GALNT17: variants seen among roughly 807,000 people sequenced by gnomAD.
The protein encoded by GALNT17 is polypeptide N-acetylgalactosaminyltransferase 17.
Under a neutral mutation model 63.7 loss-of-function variants are expected in GALNT17, and 29 were observed. That is an observed-to-expected ratio of 0.46 (90% confidence interval 0.34 to 0.62). GALNT17 has a LOEUF of 0.62. Among genes scored for constraint, GALNT17 ranks in the 20% least tolerant of loss-of-function variants. The probability of loss-of-function intolerance (pLI) is 0.01; values close to 1 mark genes in which losing one functional copy is unlikely to be tolerated. For missense variants in GALNT17, 603 were observed against 799.6 expected, an observed-to-expected ratio of 0.75 and a Z score of 2.97; for synonymous variants, 305 against 318.3, an observed-to-expected ratio of 0.96 and a Z score of 0.45.
intron 1 of GALNT17, among the ~76,000 whole-genome samples, chr7:71,331,793 C>T (rs1791812740): frequency 6.6e-6 from 1 of 152,060 alleles, no homozygotes; most frequent in Admixed American, 6.6e-5. Flanking sequence ...TAATACCTTC[C>T]CCCTGAGCTT....
intron 6 of GALNT17, among the ~76,000 whole-genome samples, chr7:71,662,573 C>T (rs1386160620): frequency 1.3e-5 from 2 of 152,108 alleles, no homozygotes; most frequent in South Asian, 2.1e-4. Context: ...CCCACCACCT[C>T]CCAAGCAACC....
intron 5 of GALNT17, among the ~76,000 whole-genome samples, chr7:71,444,799 C>T (rs1787130855): frequency 6.6e-6 from 1 of 152,154 alleles, no homozygotes; most frequent in Non-Finnish European, 1.5e-5. Flanking sequence ...TGCACTCTAG[C>T]CTGGGCCAGC....
chr7:71,234,853 C>G (rs182008134), intron 1 of GALNT17, among the ~76,000 whole-genome samples: 3 of 152,270 alleles, frequency 2.0e-5, no homozygotes, highest in African/African-American at 7.2e-5. Flanking sequence ...GCCTGGGTGT[C>G]TAAGTGCCTT....
At chr7:71,527,750 C>A (rs568391705) in intron 5 of GALNT17, among the ~76,000 whole-genome samples, 1 of 152,166 alleles carries the variant, frequency 6.6e-6, no homozygotes, top group Non-Finnish European at 1.5e-5. Flanking sequence ...AACACTGGCA[C>A]GTGTGTGTAT....
At chr7:71,144,099 A>G (rs1187683455) in intron 1 of GALNT17, among the ~76,000 whole-genome samples, 1 of 151,948 alleles carries the variant, frequency 6.6e-6, no homozygotes. Flanking sequence ...AGCTTTGGGG[A>G]TCTCTGACCT....
intron 4 of GALNT17, among the ~76,000 whole-genome samples, 184 bp from the exon 5 acceptor site, chr7:71,420,724 A>G (rs1003640373): frequency 3.3e-5 from 5 of 152,220 alleles, no homozygotes; most frequent in Non-Finnish European, 7.3e-5. Context: ...CACGCTTCAC[A>G]GCCCAGGAGT....
intron 1 of GALNT17, among the ~76,000 whole-genome samples, chr7:71,181,057 C>T (rs1332028291): frequency 6.6e-6 from 1 of 152,006 alleles, no homozygotes; most frequent in Non-Finnish European, 1.5e-5. Context: ...GAGTTCGAGA[C>T]CAGCCTGGCC....
At chr7:71,656,592 T>C (rs1027994008) in intron 6 of GALNT17, among the ~76,000 whole-genome samples, 1 of 151,488 alleles carries the variant, frequency 6.6e-6, no homozygotes, top group Non-Finnish European at 1.5e-5. Flanking sequence ...CTGAATGGAG[T>C]TGGATTCGGA....
Position 71,710,903 on chromosome 7 carries a change from T to C in GALNT17, c.1643T>C (p.Leu548Pro), listed in dbSNP as rs1402529710. 6.2e-7 allele frequency: 1 copy of C among 1,613,916 alleles called. No individual in the cohort carries two copies. The stretch of plus-strand genomic sequence containing the variant: ...GACTGCGACAAGGTCAAGAGCAGCC[T>C]GTACAAGCGCTGGAACTTCATCCAG... ...LLDCDKVKSS[L>P]YKRWNFIQNG... is the part of the protein sequence containing the mutation. Residue 548 changes from leucine (L) to proline (P), a missense_variant, in exon 10 of 11, where the codon CTG becomes CCG. Leu to Pro is a moderately conservative substitution (Grantham distance 98). Coordinates refer to ENST00000333538, the MANE Select transcript of GALNT17 (RefSeq NM_022479.3).
intron 5 of GALNT17, among the ~76,000 whole-genome samples, chr7:71,512,965 A>G (rs1408928638): frequency 6.6e-6 from 1 of 152,192 alleles, no homozygotes; most frequent in African/African-American, 2.4e-5. Context: ...GCAAATGGAA[A>G]CTGAAACACT....
chr7:71,407,194 C>G (rs1193219305), intron 3 of GALNT17, among the ~76,000 whole-genome samples: 1 of 152,134 alleles, frequency 6.6e-6, no homozygotes, highest in Non-Finnish European at 1.5e-5. Flanking sequence ...CAAGTCCCAT[C>G]AGGATGAGGA....
intron 6 of GALNT17, among the ~76,000 whole-genome samples, chr7:71,637,922 G>A (rs1272663051): frequency 1.3e-5 from 2 of 152,306 alleles, no homozygotes; most frequent in South Asian, 4.1e-4. Flanking sequence ...AAAGTAAAGG[G>A]TTAAAAGGAT....
At chr7:71,384,533 A>AG (rs2116329641) in intron 2 of GALNT17, among the ~76,000 whole-genome samples, 1 of 152,200 alleles carries the variant, frequency 6.6e-6, no homozygotes, top group East Asian at 1.9e-4. Flanking sequence ...TGAGAGTTTG[A>AG]GGGTAGTATG....
intron 9 of GALNT17, among the ~76,000 whole-genome samples, chr7:71,688,443 A>C (rs368444304): frequency 1.6e-4 from 24 of 151,992 alleles, no homozygotes; most frequent in African/African-American, 4.8e-4. Context: ...CTGCTTGCTG[A>C]GATTTTCCCC....
chr7:71,212,681 C>T (rs1347077649), intron 1 of GALNT17, among the ~76,000 whole-genome samples: 2 of 152,172 alleles, frequency 1.3e-5, no homozygotes, highest in African/African-American at 4.8e-5. Flanking sequence ...GGGAACCCAC[C>T]TCTTGGCATC....
At chr7:71,321,642 C>T in intron 1 of GALNT17, among the ~76,000 whole-genome samples, 1 of 125,634 alleles carries the variant, frequency 8.0e-6, no homozygotes, top group African/African-American at 2.9e-5. Flanking sequence ...GAGTCTTGCT[C>T]TGTCACGCAG....
chr7:71,155,304 C>G (rs2116229689), intron 1 of GALNT17, among the ~76,000 whole-genome samples: 1 of 151,838 alleles, frequency 6.6e-6, no homozygotes, highest in Non-Finnish European at 1.5e-5. Flanking sequence ...GACAGGGTCT[C>G]ACTCCGTTGC....
At chr7:71,314,444 C>A (rs1443030591) in intron 1 of GALNT17, among the ~76,000 whole-genome samples, 1 of 151,998 alleles carries the variant, frequency 6.6e-6, no homozygotes, top group East Asian at 1.9e-4. Flanking sequence ...CTCAACAGAG[C>A]AAGAGGTCAA....
intron 5 of GALNT17, among the ~76,000 whole-genome samples, chr7:71,546,497 A>G (rs1219276871): frequency 6.6e-6 from 1 of 152,114 alleles, no homozygotes; most frequent in Non-Finnish European, 1.5e-5. Flanking sequence ...TCAAGAAGAG[A>G]CAGACAGGTT....
Sources: gnomAD v4.1 joint callset for allele counts (sites outside exome capture counted in the v4.1 genomes callset) on GRCh38, gnomAD v4.1.1 for gene constraint, MANE v1.5 for transcripts, NCBI Gene and HGNC (gene_info 2026-07-23, HGNC 2026-07-21) for gene names.